GLG1: variants seen among roughly 807,000 people sequenced by gnomAD.
The protein encoded by GLG1 is Golgi apparatus protein 1.
GLG1 carries 38 observed loss-of-function variants against 160.5 expected under a neutral mutation model. The observed-to-expected ratio is 0.24, with a 90% CI of 0.18 to 0.31. GLG1 has a LOEUF of 0.31. GLG1 is among the 10% of genes least tolerant of loss of function. The probability of loss-of-function intolerance (pLI) is 1.00; values close to 1 mark genes in which losing one functional copy is unlikely to be tolerated. For synonymous variants in GLG1, 644 were observed against 543.4 expected (o/e 1.19, Z -2.57); for missense variants, 1,373 against 1,505.2 (o/e 0.91, Z 1.45).
At chr16:74,526,753 C>A (rs2017347159) in intron 2 of GLG1, among the ~76,000 whole-genome samples, 1 of 152,050 alleles carries the variant, frequency 6.6e-6, no homozygotes, top group Non-Finnish European at 1.5e-5. Context: ...ACACCAAAAA[C>A]CACTTTTTGA....
At chr16:74,556,606 C>T (rs1186514570) in intron 1 of GLG1, among the ~76,000 whole-genome samples, 1 of 151,948 alleles carries the variant, frequency 6.6e-6, no homozygotes, top group Admixed American at 6.6e-5. Flanking sequence ...AATGCTTAAG[C>T]CTAGCCATCA....
At chr16:74,589,543 T>G (rs769001109) in intron 1 of GLG1, among the ~76,000 whole-genome samples, 4 of 152,106 alleles carry the variant, frequency 2.6e-5, no homozygotes, top group African/African-American at 4.8e-5. Flanking sequence ...AAGCTGTAAC[T>G]CTGTACTCTC....
intron 1 of GLG1, among the ~76,000 whole-genome samples, chr16:74,565,552 G>A (rs545438346): frequency 5.3e-5 from 8 of 152,246 alleles, no homozygotes; most frequent in South Asian, 2.1e-4. Flanking sequence ...CTCATAGACC[G>A]CCAACTGCTT....
chr16:74,586,028 A>C lies in GLG1; in HGVS notation c.438+20629T>G, dbSNP rs1049856363. ...TAGTGAGCCGAGATCACACCACTGC[A>C]CTCTAGCCTGGACAACAGAGCAAGA... On this transcript the variant is annotated intron_variant, in intron 1 of 25. Coordinates refer to ENST00000422840, the MANE Select transcript of GLG1 (RefSeq NM_001145667.2). Among the ~76,000 whole-genome samples, 4 of 149,236 alleles carry C rather than the reference A, an allele frequency of 2.7e-5. No homozygotes were observed. In the Admixed American group the frequency reaches 2.7e-4, roughly 10 times the overall value.
At position 74,540,339 on chromosome 16, in the gene GLG1, AT is replaced by A. The variant is rs530806579; in HGVS notation, c.439-8187del. On this transcript the variant is annotated intron_variant, in intron 1 of 25. Transcript: ENST00000422840. ...AAAATGTAAATTACAAAAACATGTA[AT>A]TTTTTTCTACCGTGTATAAAAAAAT... Among the ~76,000 whole-genome samples, 210 of 149,996 alleles carry A rather than the reference AT, an allele frequency of 1.4e-3. 1 individual carries two copies. The South Asian group carries it at 0.015, about 11-fold the overall frequency.
intron 1 of GLG1, among the ~76,000 whole-genome samples, chr16:74,557,607 A>AGACT (rs2018387871): frequency 6.6e-6 from 1 of 152,230 alleles, no homozygotes; most frequent in South Asian, 2.1e-4. Flanking sequence ...CTGAGTCAGG[A>AGACT]GCTCTTGAGA....
Position 74,452,282 on chromosome 16 carries a change from G to A in GLG1, c.*885C>T. 1 of 1,462,236 alleles carries A rather than the reference G, an allele frequency of 6.8e-7. No homozygotes were observed. 90.6% of individuals were successfully genotyped at this position (1,462,236 alleles called of 1,614,324 possible). A position where few individuals can be genotyped will look rare whatever the true frequency, so the allele number is the denominator to read the frequency against. ...AGTGACTGTAGCCTCAGCAGGGCCG[G>A]TCCAGACATGGCTGAGTCCTGTGCT... On this transcript the variant is annotated 3_prime_UTR_variant, in exon 26 of 26. Coordinates refer to ENST00000422840, the MANE Select transcript of GLG1 (RefSeq NM_001145667.2).
intron 4 of GLG1, among the ~76,000 whole-genome samples, chr16:74,498,456 A>G (rs1308443044): frequency 1.0e-5 from 1 of 99,588 alleles, no homozygotes; most frequent in Non-Finnish European, 2.0e-5. Context: ...AAGTATATAT[A>G]TATATATATA....
At chr16:74,483,178 G>A (rs2015668117) in intron 9 of GLG1, 54 bp from the exon 10 acceptor site, 2 of 981,308 alleles carry the variant, frequency 2.0e-6, no homozygotes, top group Non-Finnish European at 3.3e-6. Context: ...AGAACTCTAT[G>A]TCAATATAGT....
intron 4 of GLG1, among the ~76,000 whole-genome samples, chr16:74,502,012 C>T (rs899355494): frequency 6.6e-6 from 1 of 152,308 alleles, no homozygotes; most frequent in South Asian, 2.1e-4. Context: ...CCAGACAATA[C>T]ACAGCAAGAA....
chr16:74,472,050 G>A (rs1292709679), intron 14 of GLG1, among the ~76,000 whole-genome samples: 1 of 152,026 alleles, frequency 6.6e-6, no homozygotes, highest in Non-Finnish European at 1.5e-5. Flanking sequence ...AACTACAGGT[G>A]TGTACCACCA....
intron 19 of GLG1, among the ~76,000 whole-genome samples, chr16:74,464,603 T>C (rs2014932322): frequency 6.6e-6 from 1 of 152,200 alleles, no homozygotes; most frequent in African/African-American, 2.4e-5. Context: ...TGCTGACATC[T>C]TGTTATGGAG....
At chr16:74,568,886 A>G (rs2018737520) in intron 1 of GLG1, among the ~76,000 whole-genome samples, 1 of 152,224 alleles carries the variant, frequency 6.6e-6, no homozygotes, top group Admixed American at 6.5e-5. Context: ...GAAAACAAAA[A>G]TCTTCTTAAA....
At chr16:74,571,451 T>A (rs891599919) in intron 1 of GLG1, among the ~76,000 whole-genome samples, 1 of 152,006 alleles carries the variant, frequency 6.6e-6, no homozygotes, top group Non-Finnish European at 1.5e-5. Flanking sequence ...GGTGGGAAGA[T>A]CACTTGAGCC....
chr16:74,465,681 T>A lies in GLG1; in HGVS notation c.2662A>T (p.Ile888Leu). 6.2e-7 allele frequency: 1 copy of A among 1,613,946 alleles called. No individual in the cohort carries two copies. The highest frequency in any genetic ancestry group is 8.5e-7 in the Non-Finnish European group (1 of 1,179,950). The change falls in exon 19 of 26, where the codon ATA (isoleucine) becomes TTA (leucine). Residue 888 changes from isoleucine (I) to leucine (L), a missense_variant. This residue lies in a region of GLG1 where 491 missense variants were observed against 632.1 expected (regional missense o/e 0.78). Transcript: ENST00000422840. ...YTLMRVCKQM[I>L]KRFCPEADSK... Reference sequence around the variant, plus strand: ...CTTTGGTGTCGGCTTCTCACCTTTATCATCTGCTTGCAGACCCTCATGAGG... The same window carrying A: ...CTTTGGTGTCGGCTTCTCACCTTTAACATCTGCTTGCAGACCCTCATGAGG...
At chr16:74,469,131 G>A (rs994412470) in intron 16 of GLG1, 68 bp from the exon 17 acceptor site, 14 of 965,376 alleles carry the variant, frequency 1.5e-5, no homozygotes, top group Middle Eastern at 2.1e-4. Context: ...AGCTGGGCTT[G>A]GGGGGGGTCA....
At chr16:74,589,049 C>G (rs1437556674) in intron 1 of GLG1, among the ~76,000 whole-genome samples, 1 of 151,620 alleles carries the variant, frequency 6.6e-6, no homozygotes, top group Admixed American at 6.6e-5. Context: ...CGAGACCAGC[C>G]TGGCCAACAT....
chr16:74,585,609 G>C (rs1489253663), intron 1 of GLG1, among the ~76,000 whole-genome samples: 1 of 151,064 alleles, frequency 6.6e-6, no homozygotes, highest in African/African-American at 2.4e-5. Context: ...TCAGGAGGCT[G>C]AGGCAGGAGA....
chr16:74,482,710 G>A (rs1049065758), intron 10 of GLG1, among the ~76,000 whole-genome samples: 5 of 152,106 alleles, frequency 3.3e-5, no homozygotes, highest in South Asian at 4.1e-4. Flanking sequence ...ATCTGAAGGC[G>A]CTTTTGCCAC....
Sources: allele counts gnomAD v4.1 joint callset (sites outside exome capture counted in the v4.1 genomes callset), GRCh38; gene constraint gnomAD v4.1.1; regional missense constraint gnomAD v4.1.1; transcripts MANE v1.5; gene names NCBI Gene and HGNC (gene_info 2026-07-23, HGNC 2026-07-21).